Variants in EIF2AK4 observed in about 807,000 individuals in gnomAD.
EIF2AK4 encodes the protein eukaryotic translation initiation factor 2 alpha kinase 4.
In EIF2AK4, 139 loss-of-function variants were observed where a neutral mutation model predicts 211.1. The ratio of observed to expected loss-of-function variants is 0.66; its 90% confidence interval spans 0.57 to 0.76. The LOEUF (loss-of-function observed/expected upper bound fraction) is 0.76. Among genes scored for constraint, EIF2AK4 ranks in the 30% least tolerant of loss-of-function variants. The pLI is 0.00. For synonymous variants in EIF2AK4, 710 were observed against 751.3 expected, an observed-to-expected ratio of 0.94 and a Z score of 0.90; for missense variants, 1,664 against 2,043.8, an observed-to-expected ratio of 0.81 and a Z score of 3.58.
rs55727287 is a variant in EIF2AK4 at position 40,001,188 on chromosome 15, T to G, written c.3123T>G (p.Pro1041=). The G allele has an allele frequency of 1.9e-4, 310 of 1,613,868 alleles. 2 individuals carry two copies. The highest frequency in any genetic ancestry group is 1.3e-3 in the Admixed American group (76 of 60,018). Reference sequence around the variant, plus strand: ...AGATCTTCTCGCAGCGCATCTCCCCTGCCATCGATTACACCTATGACAGCG... The same window carrying G: ...AGATCTTCTCGCAGCGCATCTCCCCGGCCATCGATTACACCTATGACAGCG... ...MAQIFSQRIS[P]AIDYTYDSDI... Residue 1041 remains proline (P), a synonymous_variant, in exon 21 of 39, where the codon CCT becomes CCG. Transcript: ENST00000263791.
At chr15:39,955,515 A>T in intron 5 of EIF2AK4, 105 bp from the exon 6 acceptor site, 3 of 1,155,392 alleles carry the variant, frequency 2.6e-6, no homozygotes, top group Non-Finnish European at 2.4e-6. Context: ...ACTTGTAAAC[A>T]TTCAGCTTAA....
intron 11 of EIF2AK4, among the ~76,000 whole-genome samples, 155 bp from the exon 12 acceptor site, chr15:39,976,259 T>G (rs1009627411): frequency 2.0e-5 from 3 of 152,230 alleles, no homozygotes; most frequent in African/African-American, 7.2e-5. Flanking sequence ...AGTCAAAGCT[T>G]TCTTCAGTTT....
chr15:40,014,432 G>T (rs1427535788), intron 27 of EIF2AK4, among the ~76,000 whole-genome samples: 1 of 152,214 alleles, frequency 6.6e-6, no homozygotes, highest in Non-Finnish European at 1.5e-5. Context: ...GCATCTGCAG[G>T]CTCAACAGCA....
chr15:40,000,468 G>A (rs915360070), intron 20 of EIF2AK4, among the ~76,000 whole-genome samples: 2 of 152,154 alleles, frequency 1.3e-5, no homozygotes, highest in Admixed American at 6.5e-5. Context: ...CTTTAATGAG[G>A]TGGCTGTGAA....
intron 35 of EIF2AK4, among the ~76,000 whole-genome samples, chr15:40,031,544 A>ATC (rs1390117137): frequency 6.6e-6 from 1 of 152,012 alleles, no homozygotes; most frequent in Non-Finnish European, 1.5e-5. Flanking sequence ...GCTTCATACT[A>ATC]TCATCTCTCT....
intron 26 of EIF2AK4, among the ~76,000 whole-genome samples, chr15:40,010,921 G>T (rs537528751): frequency 5.3e-5 from 8 of 152,294 alleles, no homozygotes; most frequent in Admixed American, 2.0e-4. Context: ...TGCCAGCGTG[G>T]GATGAAATGC....
At chr15:40,016,255 T>G (rs1401011069) in intron 27 of EIF2AK4, among the ~76,000 whole-genome samples, 1 of 152,204 alleles carries the variant, frequency 6.6e-6, no homozygotes, top group Non-Finnish European at 1.5e-5. Context: ...GCATTAAGTG[T>G]GAGTAAATGT....
At chr15:40,027,498 T>G (rs190866806) in intron 33 of EIF2AK4, among the ~76,000 whole-genome samples, 173 of 152,378 alleles carry the variant, frequency 1.1e-3, no homozygotes, top group African/African-American at 4.0e-3. Flanking sequence ...TGAATTATGA[T>G]AATTTGGTGA....
chr15:39,953,725 G>A lies in EIF2AK4; in HGVS notation c.514-179G>A, dbSNP rs17720604. Among the ~76,000 whole-genome samples the A allele has an allele frequency of 0.11, 16,134 of 152,238 alleles. 938 individuals are homozygous for A. Among genetic ancestry groups the A allele is most frequent in the Middle Eastern group, 0.23 (67 of 294 alleles). On this transcript the variant is annotated intron_variant, in intron 4 of 38. Coordinates refer to ENST00000263791, the MANE Select transcript of EIF2AK4 (RefSeq NM_001013703.4). ...CTGTTTAAATGGGAATGCCTATTGC[G>A]TAAGAACTCTGATAAAACTGATAGA...
In EIF2AK4 at chr15:40,017,504, TATATATATATATATATATATATATATA is replaced by T. The variant is rs2035320982; in HGVS notation, c.4065+263_4065+289del. ...TCATGTACCCTTTACTCTGTTTCTA[TATATATATATATATATATATATATATA>T]TATATATATATATATATATATATGT... On this transcript the variant is annotated intron_variant, in intron 29 of 38. Transcript: ENST00000263791. 1.4e-4 allele frequency among the ~76,000 whole-genome samples: 11 copies of T among 81,070 alleles called. 2 individuals carry two copies. The highest frequency in any genetic ancestry group is 4.2e-4 in the African/African-American group (9 of 21,324). The allele number at this position is 81,070 out of a possible 152,430, so 53.2% of individuals were successfully genotyped here.
In EIF2AK4 at chr15:39,944,132, T is replaced by C. The variant is rs552601133; in HGVS notation, c.360+647T>C. On this transcript the variant is annotated intron_variant, in intron 3 of 38. Coordinates refer to ENST00000263791, the MANE Select transcript of EIF2AK4 (RefSeq NM_001013703.4). ...TTTGCATATCAGAGGAATTTGTTGT[T>C]TTCTTTCTCAATAATTAGTGACACA... Among the ~76,000 whole-genome samples the C allele has an allele frequency of 2.6e-5, 4 of 152,292 alleles. No individual in the cohort carries two copies. The South Asian group carries it at 8.3e-4, about 32-fold the overall frequency.
At chr15:40,019,619 G>A (rs1008104364) in intron 30 of EIF2AK4, among the ~76,000 whole-genome samples, 4 of 152,110 alleles carry the variant, frequency 2.6e-5, no homozygotes, top group Non-Finnish European at 4.4e-5. Context: ...TAGACTGCAC[G>A]CTCCTTAGGA....
intron 27 of EIF2AK4, among the ~76,000 whole-genome samples, chr15:40,015,954 G>C (rs143489825): frequency 6.6e-6 from 1 of 152,202 alleles, no homozygotes; most frequent in Non-Finnish European, 1.5e-5. Context: ...GAGTACAGCT[G>C]GTGACAGCCA....
rs149854450 is a variant in EIF2AK4, at chr15:39,990,720, G to A, written c.2631+343G>A. 3.0e-3 allele frequency among the ~76,000 whole-genome samples: 462 copies of A among 152,304 alleles called. 3 individuals carry two copies. Among genetic ancestry groups the A allele is most frequent in the Non-Finnish European group, 5.5e-3 (373 of 68,014 alleles). ...ACCTCAGAGGCTTTTGTTGGTTTGGGGAAATGAGGCTCAAAAACGTAAAAC... is the reference window on the plus strand; with the variant it reads ...ACCTCAGAGGCTTTTGTTGGTTTGGAGAAATGAGGCTCAAAAACGTAAAAC... On this transcript the variant is annotated intron_variant, in intron 16 of 38. Coordinates refer to ENST00000263791, the MANE Select transcript of EIF2AK4 (RefSeq NM_001013703.4).
rs905150504 is a variant in EIF2AK4, at chr15:39,998,412, T to C, written c.2869-319T>C. 2.6e-5 allele frequency among the ~76,000 whole-genome samples: 4 copies of C among 152,206 alleles called. No homozygotes were observed. The East Asian group carries it at 7.7e-4, about 29-fold the overall frequency. ...TTTCTCAGTGAAATTTCCATTTATG[T>C]TTTTGGGGTTAGTCCTTGCCTCTGT... On this transcript the variant is annotated intron_variant, in intron 19 of 38. Transcript: ENST00000263791.
At chr15:39,956,872 A>C (rs781585596) in intron 6 of EIF2AK4, among the ~76,000 whole-genome samples, 12 of 152,242 alleles carry the variant, frequency 7.9e-5, no homozygotes, top group Non-Finnish European at 1.8e-4. Context: ...ACTTCTGTAT[A>C]GTTTGTTTAT....
intron 27 of EIF2AK4, among the ~76,000 whole-genome samples, chr15:40,013,454 TCA>T (rs1163231957): frequency 6.6e-6 from 1 of 152,210 alleles, no homozygotes; most frequent in African/African-American, 2.4e-5. Flanking sequence ...TTTAATGGAT[TCA>T]CAGTTCCACA....
intron 9 of EIF2AK4, among the ~76,000 whole-genome samples, chr15:39,968,984 A>T (rs937578568): frequency 6.6e-6 from 1 of 152,078 alleles, no homozygotes; most frequent in African/African-American, 2.4e-5. Context: ...TAAGATTTCT[A>T]AAGAAATCTT....
chr15:39,981,116 A>G (rs528499186), intron 13 of EIF2AK4, among the ~76,000 whole-genome samples: 2 of 152,334 alleles, frequency 1.3e-5, no homozygotes, highest in South Asian at 4.1e-4. Flanking sequence ...TCACACCTGT[A>G]ATCCCAGCAC....
Sources: gnomAD v4.1 joint callset for allele counts (sites outside exome capture counted in the v4.1 genomes callset) on GRCh38, gnomAD v4.1.1 for gene constraint, MANE v1.5 for transcripts, NCBI Gene and HGNC (gene_info 2026-07-23, HGNC 2026-07-21) for gene names.